Variants in SNTG1 observed in about 807,000 individuals in gnomAD.
The protein encoded by SNTG1 is syntrophin gamma 1.
In SNTG1, 39 loss-of-function variants were observed where a neutral mutation model predicts 74.7. That is an observed-to-expected ratio of 0.52 (90% CI 0.40 to 0.68). The LOEUF (loss-of-function observed/expected upper bound fraction) is 0.68, where lower values mean the gene tolerates loss of function less well. Among genes scored for constraint, SNTG1 ranks in the 30% least tolerant of loss-of-function variants. The pLI is 0.00. For missense variants in SNTG1, 685 were observed against 609.5 expected (o/e 1.12, Z -1.30); for synonymous variants, 254 against 217.1 (o/e 1.17, Z -1.49).
chr8:50,342,113 T>A (rs1038238845), intron 2 of SNTG1, among the ~76,000 whole-genome samples: 1 of 152,118 alleles, frequency 6.6e-6, no homozygotes, highest in African/African-American at 2.4e-5. Flanking sequence ...AATAAATATG[T>A]AACTTGTTTT....
intron 2 of SNTG1, among the ~76,000 whole-genome samples, chr8:50,303,134 C>T (rs943143232): frequency 1.3e-5 from 2 of 152,014 alleles, no homozygotes; most frequent in Non-Finnish European, 1.5e-5. Context: ...TCTGTAAATA[C>T]GTTAGTAGCA....
chr8:50,032,621 C>T (rs758815188), intron 1 of SNTG1, among the ~76,000 whole-genome samples: 3 of 152,100 alleles, frequency 2.0e-5, no homozygotes, highest in South Asian at 2.1e-4. Context: ...GTGCCCAGGC[C>T]CATAGCTGCT....
chr8:50,510,864 C>T (rs2094065224), intron 9 of SNTG1, among the ~76,000 whole-genome samples: 1 of 152,074 alleles, frequency 6.6e-6, no homozygotes, highest in African/African-American at 2.4e-5. Flanking sequence ...TTCAAAAAAC[C>T]AGCTCCTGGA....
chr8:50,512,997 T>A (rs1337122300), intron 9 of SNTG1, among the ~76,000 whole-genome samples: 1 of 152,180 alleles, frequency 6.6e-6, no homozygotes, highest in East Asian at 1.9e-4. Flanking sequence ...TCACTCTGAT[T>A]TTTAGAGTTT....
chr8:50,674,359 TA>T (rs1289148287), intron 15 of SNTG1, among the ~76,000 whole-genome samples: 1 of 152,130 alleles, frequency 6.6e-6, no homozygotes, highest in Non-Finnish European at 1.5e-5. Flanking sequence ...CAGAACTTGT[TA>T]TTGGTCTATT....
intron 4 of SNTG1, among the ~76,000 whole-genome samples, chr8:50,426,867 T>C (rs897004236): frequency 6.6e-6 from 1 of 152,142 alleles, no homozygotes; most frequent in Non-Finnish European, 1.5e-5. Flanking sequence ...TAATAACTAT[T>C]TACTATATAG....
Position 50,389,911 on chromosome 8 carries a change from G to A in SNTG1, c.-27-4301G>A, listed in dbSNP as rs140924194. On this transcript the variant is annotated intron_variant, in intron 2 of 18. Coordinates refer to ENST00000642720, the MANE Select transcript of SNTG1 (RefSeq NM_018967.5). ...TGAGAAGCATCTGTTCATATCCTTC[G>A]CCCACTTGTTGATGGGGTTGTTTGT... is the stretch of plus-strand genomic sequence containing the variant. Among the ~76,000 whole-genome samples the A allele has an allele frequency of 9.4e-3, 1,423 of 152,186 alleles. 27 individuals carry two copies. The highest frequency in any genetic ancestry group is 0.032 in the African/African-American group (1,343 of 41,524).
At chr8:50,377,915 G>A (rs2092416125) in intron 2 of SNTG1, among the ~76,000 whole-genome samples, 1 of 152,216 alleles carries the variant, frequency 6.6e-6, no homozygotes, top group African/African-American at 2.4e-5. Flanking sequence ...TCAAAACTGA[G>A]TTAATATCAA....
At chr8:50,255,568 C>G (rs1053217561) in intron 2 of SNTG1, among the ~76,000 whole-genome samples, 2 of 152,200 alleles carry the variant, frequency 1.3e-5, no homozygotes, top group African/African-American at 2.4e-5. Context: ...CTGTGCCCCT[C>G]TCATAGCTTC....
intron 13 of SNTG1, among the ~76,000 whole-genome samples, chr8:50,596,395 AT>A (rs1472081841): frequency 1.3e-5 from 2 of 152,148 alleles, no homozygotes; most frequent in South Asian, 4.1e-4. Context: ...ATTTTCAACT[AT>A]TTTTTATCCT....
chr8:49,998,587 GACACACACACACACACACAC>G (rs56162374), intron 1 of SNTG1, among the ~76,000 whole-genome samples: 1 of 136,838 alleles, frequency 7.3e-6, no homozygotes, highest in Admixed American at 7.4e-5. Context: ...TAAAAATTAA[GACACACACACACACACACAC>G]ACACACACAC....
chr8:50,382,606 A>G (rs1010605972), intron 2 of SNTG1, among the ~76,000 whole-genome samples: 13 of 152,190 alleles, frequency 8.5e-5, no homozygotes, highest in African/African-American at 2.9e-4. Flanking sequence ...ATTTTTTTCT[A>G]GATAATATCA....
chr8:50,676,824 T>C (rs555550635), intron 15 of SNTG1, among the ~76,000 whole-genome samples: 1 of 152,114 alleles, frequency 6.6e-6, no homozygotes, highest in Non-Finnish European at 1.5e-5. Flanking sequence ...TTCTCACTAT[T>C]TTTTAAAGAT....
chr8:50,478,081 C>T (rs952197232), intron 8 of SNTG1, among the ~76,000 whole-genome samples: 2 of 152,088 alleles, frequency 1.3e-5, no homozygotes. Flanking sequence ...GATTTTGCTT[C>T]ATTCTTCTTT....
chr8:50,385,533 T>G (rs1311593547), intron 2 of SNTG1, among the ~76,000 whole-genome samples: 1 of 152,196 alleles, frequency 6.6e-6, no homozygotes, highest in East Asian at 1.9e-4. Context: ...TAATTCTCAC[T>G]TACTAGGTCC....
At chr8:50,054,347 C>A (rs1372359496) in intron 1 of SNTG1, among the ~76,000 whole-genome samples, 1 of 152,112 alleles carries the variant, frequency 6.6e-6, no homozygotes, top group Non-Finnish European at 1.5e-5. Flanking sequence ...CAACCAATCA[C>A]CAAGTTCTAT....
At chr8:50,288,911 G>A (rs1039877561) in intron 2 of SNTG1, among the ~76,000 whole-genome samples, 1 of 152,018 alleles carries the variant, frequency 6.6e-6, no homozygotes, top group Non-Finnish European at 1.5e-5. Flanking sequence ...CTTGGTGAAG[G>A]CACAGAGCTG....
At chr8:50,435,170 A>G (rs1419522656) in intron 4 of SNTG1, among the ~76,000 whole-genome samples, 2 of 152,144 alleles carry the variant, frequency 1.3e-5, no homozygotes, top group African/African-American at 4.8e-5. Flanking sequence ...TTAAGTGTGC[A>G]GCAAGTCTTT....
intron 8 of SNTG1, among the ~76,000 whole-genome samples, chr8:50,479,317 A>T (rs1270886309): frequency 3.9e-5 from 6 of 152,212 alleles, no homozygotes; most frequent in South Asian, 4.1e-4. Flanking sequence ...TCTTGTAATT[A>T]TCCAGCTTTC....
Sources: allele counts gnomAD v4.1 joint callset (sites outside exome capture counted in the v4.1 genomes callset), GRCh38; gene constraint gnomAD v4.1.1; transcripts MANE v1.5; gene names NCBI Gene and HGNC (gene_info 2026-07-23, HGNC 2026-07-21).